The following CNTNAP5 variants were observed in gnomAD, a reference collection of about 807,000 sequenced individuals.
CNTNAP5 encodes contactin-associated protein-like 5.
Under a neutral mutation model 150.2 loss-of-function variants are expected in CNTNAP5, and 72 were observed. The observed-to-expected ratio is 0.48, with a 90% confidence interval of 0.40 to 0.58. CNTNAP5 has a LOEUF of 0.58. Among genes scored for constraint, CNTNAP5 ranks in the 20% least tolerant of loss-of-function variants. The probability of loss-of-function intolerance (pLI) is 0.00; values close to 1 mark genes in which losing one functional copy is unlikely to be tolerated. For synonymous variants in CNTNAP5, 672 were observed against 619.8 expected, an observed-to-expected ratio of 1.08 and a Z score of -1.25; for missense variants, 1,636 against 1,626.2, an observed-to-expected ratio of 1.01 and a Z score of -0.10.
At chr2:124,205,279 C>T (rs959360297) in intron 1 of CNTNAP5, among the ~76,000 whole-genome samples, 13 of 152,086 alleles carry the variant, frequency 8.5e-5, no homozygotes, top group South Asian at 8.3e-4. Flanking sequence ...AAACATCTGG[C>T]ATTTCCCCTG....
chr2:124,523,101 T>C (rs1186869546), intron 8 of CNTNAP5, among the ~76,000 whole-genome samples: 1 of 152,194 alleles, frequency 6.6e-6, no homozygotes, highest in African/African-American at 2.4e-5. Flanking sequence ...GATGTTAATA[T>C]CCATACCCTC....
intron 3 of CNTNAP5, among the ~76,000 whole-genome samples, chr2:124,294,883 G>A (rs911066212): frequency 3.0e-4 from 46 of 152,200 alleles, no homozygotes; most frequent in Middle Eastern, 3.4e-3. Flanking sequence ...CGAGGCGGGC[G>A]GATCACAAGG....
At chr2:124,549,547 A>C (rs560496304) in intron 10 of CNTNAP5, among the ~76,000 whole-genome samples, 1 of 152,324 alleles carries the variant, frequency 6.6e-6, no homozygotes, top group African/African-American at 2.4e-5. Flanking sequence ...GCAGTCATAC[A>C]TTAGCCTCAG....
intron 10 of CNTNAP5, among the ~76,000 whole-genome samples, chr2:124,530,040 G>A (rs892576941): frequency 5.9e-5 from 9 of 152,150 alleles, no homozygotes; most frequent in African/African-American, 9.7e-5. Flanking sequence ...GGCCGGGCAC[G>A]GTTGCTCACG....
chr2:124,469,816 A>T (rs145504527), intron 6 of CNTNAP5, among the ~76,000 whole-genome samples: 2 of 152,246 alleles, frequency 1.3e-5, no homozygotes, highest in African/African-American at 4.8e-5. Context: ...ATAAGTGAGA[A>T]CATACAGTGT....
intron 21 of CNTNAP5, among the ~76,000 whole-genome samples, chr2:124,897,672 T>G (rs1678333554): frequency 6.6e-6 from 1 of 151,234 alleles, no homozygotes; most frequent in African/African-American, 2.5e-5. Context: ...GAACAATCCA[T>G]ACCTACAGAA....
intron 3 of CNTNAP5, among the ~76,000 whole-genome samples, chr2:124,340,019 C>T (rs906757050): frequency 6.6e-6 from 1 of 152,108 alleles, no homozygotes; most frequent in African/African-American, 2.4e-5. Flanking sequence ...AATCTTATGA[C>T]CTCTGTCCAC....
chr2:124,177,502 A>G (rs939462489), intron 1 of CNTNAP5, among the ~76,000 whole-genome samples: 2 of 152,174 alleles, frequency 1.3e-5, no homozygotes, highest in African/African-American at 4.8e-5. Flanking sequence ...CTGAAACGTT[A>G]TATATCTAGA....
At chr2:124,444,732 C>A (rs185921127) in intron 5 of CNTNAP5, among the ~76,000 whole-genome samples, 147 of 152,316 alleles carry the variant, frequency 9.7e-4, no homozygotes, top group African/African-American at 3.5e-3. Context: ...ATAGTGGGAT[C>A]CAGGCCGACG....
At chr2:124,050,975 T>A (rs1681680778) in intron 1 of CNTNAP5, among the ~76,000 whole-genome samples, 2 of 152,094 alleles carry the variant, frequency 1.3e-5, no homozygotes, top group Admixed American at 1.3e-4. Context: ...GTGTAGAGAA[T>A]TTTCCTGGAC....
chr2:124,864,528 TTC>T (rs145502587), intron 19 of CNTNAP5, among the ~76,000 whole-genome samples: 70 of 146,850 alleles, frequency 4.8e-4, no homozygotes, highest in East Asian at 6.0e-4. Context: ...TGAGCTAATA[TTC>T]TCTCTCTCTC....
At chr2:124,103,145 T>A (rs1475464388) in intron 1 of CNTNAP5, among the ~76,000 whole-genome samples, 2 of 152,188 alleles carry the variant, frequency 1.3e-5, no homozygotes, top group Admixed American at 6.5e-5. Flanking sequence ...TTAAAAAAAA[T>A]TAACAGTTAG....
intron 1 of CNTNAP5, among the ~76,000 whole-genome samples, chr2:124,176,243 G>A (rs1251252382): frequency 2.6e-5 from 4 of 152,196 alleles, no homozygotes; most frequent in Admixed American, 1.3e-4. Context: ...TAAGTAAGAG[G>A]AGACAATACC....
intron 13 of CNTNAP5, among the ~76,000 whole-genome samples, chr2:124,655,666 G>T (rs1236534357): frequency 2.6e-5 from 4 of 151,872 alleles, no homozygotes; most frequent in Non-Finnish European, 5.9e-5. Flanking sequence ...GAGACGCCGA[G>T]GTGGGAGGAT....
At chr2:124,907,988 G>C (rs1477215672) in intron 22 of CNTNAP5, among the ~76,000 whole-genome samples, 1 of 151,824 alleles carries the variant, frequency 6.6e-6, no homozygotes, top group African/African-American at 2.4e-5. Context: ...TCAATGTTAA[G>C]TAATAACCAA....
intron 13 of CNTNAP5, among the ~76,000 whole-genome samples, chr2:124,683,223 C>T (rs932426160): frequency 6.6e-6 from 1 of 152,078 alleles, no homozygotes; most frequent in African/African-American, 2.4e-5. Context: ...TATGTAGATT[C>T]TTTTCAGACT....
chr2:124,279,439 A>G (rs948719865), intron 3 of CNTNAP5, among the ~76,000 whole-genome samples: 3 of 152,094 alleles, frequency 2.0e-5, no homozygotes, highest in Non-Finnish European at 4.4e-5. Context: ...GAGCTCATAT[A>G]ACAGAGGTAA....
At chr2:124,553,591 G>A (rs762694862) in intron 10 of CNTNAP5, among the ~76,000 whole-genome samples, 5 of 151,658 alleles carry the variant, frequency 3.3e-5, no homozygotes, top group Non-Finnish European at 5.9e-5. Context: ...ATAAAATGAC[G>A]CAAAATGTTT....
intron 3 of CNTNAP5, among the ~76,000 whole-genome samples, chr2:124,393,429 T>C (rs2104750781): frequency 6.6e-6 from 1 of 152,252 alleles, no homozygotes; most frequent in African/African-American, 2.4e-5. Context: ...CTCCAAAGGC[T>C]AGGTAAGACT....
Sources: allele counts gnomAD v4.1 joint callset (sites outside exome capture counted in the v4.1 genomes callset), GRCh38; gene constraint gnomAD v4.1.1; transcripts MANE v1.5; gene names NCBI Gene and HGNC (gene_info 2026-07-23, HGNC 2026-07-21).